Variants in DDTL observed in about 807,000 individuals in gnomAD.
The protein encoded by DDTL is D-dopachrome tautomerase like, also known as putative D-dopachrome decarboxylase-like protein.
A neutral mutation model predicts 1.1 loss-of-function variants in DDTL; 1 was observed. The observed-to-expected ratio is 0.91, with a 90% CI of 0.32 to 4.31. The LOEUF is 4.31. Among genes scored for constraint, DDTL ranks in the 30% most tolerant of loss-of-function variants. The probability of loss-of-function intolerance (pLI) is 0.17; values close to 1 mark genes in which losing one functional copy is unlikely to be tolerated. For missense variants in DDTL, 54 were observed against 48.9 expected (o/e 1.10, Z -0.31); for synonymous variants, 21 against 16.6 (o/e 1.26, Z -0.64).
chr22:23,972,073 G>T lies in DDTL; in HGVS notation c.*667G>T. ...ATGCCCCTCTCAGAGGTAACAGCAA[G>T]TTTCCAGTGAGGAAAACCAGAACTT... On this transcript the variant is annotated 3_prime_UTR_variant, in exon 3 of 3. Transcript: ENST00000215770. The T allele has an allele frequency of 1.4e-6, 1 of 708,974 alleles. No homozygotes were observed. The highest frequency in any genetic ancestry group is 1.7e-6 in the Non-Finnish European group (1 of 577,736). The allele number at this position is 708,974 out of a possible 1,614,324, so 43.9% of individuals were successfully genotyped here.
Position 23,971,505 on chromosome 22 carries a change from G to A in DDTL, c.*99G>A. On this transcript the variant is annotated 3_prime_UTR_variant, in exon 3 of 3. Coordinates refer to ENST00000215770, the MANE Select transcript of DDTL (RefSeq NM_001084393.2). ...CTCACTCTGCCAAGAGATCTCTCTG[G>A]AAGAAGCAGCCAGTTCACAGATGCC... 1.2e-6 allele frequency: 2 copies of A among 1,611,472 alleles called. No homozygotes were observed. The highest frequency in any genetic ancestry group is 1.7e-6 in the Non-Finnish European group (2 of 1,178,330).
rs1018016639 is a variant in DDTL, at chr22:23,972,112, T to C, written c.*706T>C. 1 of 956,020 alleles carries C rather than the reference T, an allele frequency of 1.0e-6. No individual in the cohort carries two copies. Among genetic ancestry groups the C allele is most frequent in the African/African-American group, 1.8e-5 (1 of 56,456 alleles). The allele number at this position is 956,020 out of a possible 1,614,324, so 59.2% of individuals were successfully genotyped here. ...AAACCAGAACTTGGGACAGCCTGGTTGGGGCGGGCGGGAGTATGAACAGCC... is the reference window on the plus strand; with the variant it reads ...AAACCAGAACTTGGGACAGCCTGGTCGGGGCGGGCGGGAGTATGAACAGCC... On this transcript the variant is annotated 3_prime_UTR_variant, in exon 3 of 3. Transcript: ENST00000215770.
chr22:23,970,382 G>A (rs756797670), intron 2 of DDTL, among the ~76,000 whole-genome samples: 7 of 152,154 alleles, frequency 4.6e-5, no homozygotes, highest in Non-Finnish European at 1.0e-4. Context: ...TGAGCAGTGT[G>A]AATTTGAGTA....
chr22:23,971,516 C>T lies in DDTL; in HGVS notation c.*110C>T. 5 of 1,612,026 alleles carry T rather than the reference C, an allele frequency of 3.1e-6. No individual in the cohort carries two copies. Among genetic ancestry groups the T allele is most frequent in the Non-Finnish European group, 4.2e-6 (5 of 1,178,718 alleles). On this transcript the variant is annotated 3_prime_UTR_variant, in exon 3 of 3. Transcript: ENST00000215770. ...AAGAGATCTCTCTGGAAGAAGCAGC[C>T]AGTTCACAGATGCCCTGGATCCCTC...
rs1206988166 is a variant in DDTL, at chr22:23,972,523, T to A, written c.*1117T>A. On this transcript the variant is annotated 3_prime_UTR_variant, in exon 3 of 3. Coordinates refer to ENST00000215770, the MANE Select transcript of DDTL (RefSeq NM_001084393.2). ...GTAAATAGTTGTATTGTTTAGGGAA[T>A]AATGACAAGGAATAAAGTCTATACG... 2.4e-6 allele frequency: 1 copy of A among 414,696 alleles called. No homozygotes were observed. Among genetic ancestry groups the A allele is most frequent in the Non-Finnish European group, 3.4e-6 (1 of 298,480 alleles). 25.7% of individuals were successfully genotyped at this position (414,696 alleles called of 1,614,324 possible).
chr22:23,969,988 A>C (rs1056210306), intron 2 of DDTL: 29 of 398,818 alleles, frequency 7.3e-5, no homozygotes, highest in Non-Finnish European at 9.5e-5. Flanking sequence ...CAGGATCCTC[A>C]TGTCACCTGG....
intron 2 of DDTL, among the ~76,000 whole-genome samples, chr22:23,970,239 TGTGTATGTGTGCGAATGTCA>T (rs71639798): frequency 0.036 from 5,508 of 152,120 alleles, 327 homozygotes; most frequent in African/African-American, 0.12. Flanking sequence ...GTGTGGTGCG[TGTGTATGTGTGCGAATGTCA>T]GTGAACTGTG....
chr22:23,969,954 T>C lies in DDTL; in HGVS notation c.285-1332T>C, dbSNP rs1461721608. The C allele has an allele frequency of 5.8e-6, 4 of 689,294 alleles. No individual in the cohort carries two copies. In the African/African-American group the frequency reaches 7.8e-5, roughly 13 times the overall value. 42.7% of individuals were successfully genotyped at this position (689,294 alleles called of 1,614,324 possible). A position where few individuals can be genotyped will look rare whatever the true frequency, so the allele number is the denominator to read the frequency against. On this transcript the variant is annotated intron_variant, in intron 2 of 2. Coordinates refer to ENST00000215770, the MANE Select transcript of DDTL (RefSeq NM_001084393.2). ...GACCTCGGCTGAACTAACTGTGGTG[T>C]GCATCATTGTTAAGCAGGGCCAGCA...
Position 23,971,742 on chromosome 22 carries a change from A to C in DDTL, c.*336A>C, listed in dbSNP as rs905439381. 1.1e-4 allele frequency: 100 copies of C among 882,994 alleles called. No individual in the cohort carries two copies. The highest frequency in any genetic ancestry group is 1.6e-4 in the Admixed American group (6 of 37,292). 54.7% of individuals were successfully genotyped at this position (882,994 alleles called of 1,614,324 possible). ...GACAGCCTGCCTCAGTCCACCAGGC[A>C]TTTTGCAAACCTGCTCATCCCAATA... On this transcript the variant is annotated 3_prime_UTR_variant, in exon 3 of 3. Transcript: ENST00000215770.
At chr22:23,969,657 CAA>C (rs936768604) in intron 2 of DDTL, 1 of 981,464 alleles carries the variant, frequency 1.0e-6, no homozygotes, top group African/African-American at 1.7e-5. Flanking sequence ...CCCATCTCTA[CAA>C]AGTCATACAA....
intron 2 of DDTL, among the ~76,000 whole-genome samples, chr22:23,970,270 TGTGA>T (rs1197631969): frequency 3.3e-5 from 5 of 152,078 alleles, no homozygotes; most frequent in Non-Finnish European, 5.9e-5. Flanking sequence ...GTGAACTGTG[TGTGA>T]GTGAATTGTG....
chr22:23,969,072 ACACTCATGAT>A lies in DDTL; in HGVS notation c.284+1513_284+1522del. ...GTGCTAGGTCCTCTACAGGTACTTT[ACACTCATGAT>A]CCCATTTGATCCTTACAATCCCTAT... On this transcript the variant is annotated intron_variant, in intron 2 of 2. Coordinates refer to ENST00000215770, the MANE Select transcript of DDTL (RefSeq NM_001084393.2). 3 of 584,674 alleles carry A rather than the reference ACACTCATGAT, an allele frequency of 5.1e-6. 1 individual carries two copies. The highest frequency in any genetic ancestry group is 1.1e-4 in the Admixed American group (1 of 9,126). 36.2% of individuals were successfully genotyped at this position (584,674 alleles called of 1,614,324 possible). A position where few individuals can be genotyped will look rare whatever the true frequency, so the allele number is the denominator to read the frequency against.
At position 23,971,316 on chromosome 22, in the gene DDTL, T is replaced by TG. The variant is rs749579078; in HGVS notation, c.316dup (p.Ala106GlyfsTer15). 159 of 1,614,040 alleles carry TG rather than the reference T, an allele frequency of 9.9e-5. No individual in the cohort carries two copies. The highest frequency in any genetic ancestry group is 1.3e-4 in the Non-Finnish European group (148 of 1,180,008). On this transcript the variant is annotated frameshift_variant, in exon 3 of 3. Transcript: ENST00000215770. LOFTEE classifies it low-confidence loss of function (END_TRUNC). ...CTACGGTCTTATCCACCAGCCCTGCTGCCCATGGTGGCCCCAGATGCCCAG... is the reference window on the plus strand; with the variant it reads ...CTACGGTCTTATCCACCAGCCCTGCTGGCCCATGGTGGCCCCAGATGCCCAG...
chr22:23,971,818 G>C lies in DDTL; in HGVS notation c.*412G>C. 1 of 597,294 alleles carries C rather than the reference G, an allele frequency of 1.7e-6. No homozygotes were observed. The highest frequency in any genetic ancestry group is 4.5e-4 in the Middle Eastern group (1 of 2,234). 37.0% of individuals were successfully genotyped at this position (597,294 alleles called of 1,614,324 possible). A position where few individuals can be genotyped will look rare whatever the true frequency, so the allele number is the denominator to read the frequency against. On this transcript the variant is annotated 3_prime_UTR_variant, in exon 3 of 3. Coordinates refer to ENST00000215770, the MANE Select transcript of DDTL (RefSeq NM_001084393.2). ...GCAGTGGGACACTCAGGTGTGGGAG[G>C]TAGCCGCACATCATGACCCAGCTAG... is the stretch of plus-strand genomic sequence containing the variant.
intron 2 of DDTL, among the ~76,000 whole-genome samples, chr22:23,970,386 T>G (rs2033879030): frequency 6.6e-6 from 1 of 151,868 alleles, no homozygotes; most frequent in African/African-American, 2.4e-5. Context: ...CAGTGTGAAT[T>G]TGAGTATGTG....
At chr22:23,969,466 GTGTC>G (rs757457568) in intron 2 of DDTL, 7 of 986,176 alleles carry the variant, frequency 7.1e-6, no homozygotes, top group African/African-American at 1.7e-5. Context: ...ACTGTGTTGA[GTGTC>G]TGTCCTAGGT....
intron 2 of DDTL, among the ~76,000 whole-genome samples, chr22:23,970,551 T>C (rs993248216): frequency 3.3e-5 from 5 of 151,464 alleles, no homozygotes; most frequent in African/African-American, 9.7e-5. Context: ...ATTTGGTCTA[T>C]ATGTGTGAAT....
chr22:23,972,113 G>A lies in DDTL; in HGVS notation c.*707G>A. On this transcript the variant is annotated 3_prime_UTR_variant, in exon 3 of 3. Coordinates refer to ENST00000215770, the MANE Select transcript of DDTL (RefSeq NM_001084393.2). ...AACCAGAACTTGGGACAGCCTGGTT[G>A]GGGCGGGCGGGAGTATGAACAGCCT... The A allele has an allele frequency of 1.0e-6, 1 of 953,536 alleles. No individual in the cohort carries two copies. The highest frequency in any genetic ancestry group is 1.2e-6 in the Non-Finnish European group (1 of 801,098). 59.1% of individuals were successfully genotyped at this position (953,536 alleles called of 1,614,324 possible). A position where few individuals can be genotyped will look rare whatever the true frequency, so the allele number is the denominator to read the frequency against.
At chr22:23,970,659 A>G (rs545492844) in intron 2 of DDTL, among the ~76,000 whole-genome samples, 5 of 152,060 alleles carry the variant, frequency 3.3e-5, no homozygotes, top group Non-Finnish European at 5.9e-5. Context: ...ATGATTGTAT[A>G]TGTGTGTGAA....
Sources: allele counts gnomAD v4.1 joint callset (sites outside exome capture counted in the v4.1 genomes callset), GRCh38; gene constraint gnomAD v4.1.1; transcripts MANE v1.5; gene names NCBI Gene and HGNC (gene_info 2026-07-23, HGNC 2026-07-21).